Variants in CNTNAP5 observed in about 807,000 individuals in gnomAD.
CNTNAP5 encodes the protein contactin-associated protein-like 5.
CNTNAP5 carries 72 observed loss-of-function variants against 150.2 expected under a neutral mutation model. The ratio of observed to expected loss-of-function variants is 0.48; its 90% confidence interval spans 0.40 to 0.58. CNTNAP5 has a LOEUF of 0.58. CNTNAP5 is among the 20% of genes least tolerant of loss of function. The probability of loss-of-function intolerance (pLI) is 0.00; values close to 1 mark genes in which losing one functional copy is unlikely to be tolerated. For synonymous variants in CNTNAP5, 672 were observed against 619.8 expected, an observed-to-expected ratio of 1.08 and a Z score of -1.25; for missense variants, 1,636 against 1,626.2, an observed-to-expected ratio of 1.01 and a Z score of -0.10.
chr2:124,444,892 G>A (rs543500663), intron 5 of CNTNAP5, among the ~76,000 whole-genome samples: 4 of 152,106 alleles, frequency 2.6e-5, no homozygotes, highest in East Asian at 3.9e-4. Flanking sequence ...TCACAGCACC[G>A]CACTCTGCAT....
intron 13 of CNTNAP5, among the ~76,000 whole-genome samples, chr2:124,735,505 A>G (rs1006541413): frequency 2.6e-5 from 4 of 152,116 alleles, no homozygotes; most frequent in African/African-American, 9.7e-5. Flanking sequence ...GAAAGACAAT[A>G]TATTTGGGAA....
chr2:124,261,847 G>A lies in CNTNAP5; in HGVS notation c.381+19454G>A, dbSNP rs1365025. Among the ~76,000 whole-genome samples the A allele has an allele frequency of 4.3e-3, 658 of 152,208 alleles. 4 individuals carry two copies. The highest frequency in any genetic ancestry group is 0.015 in the African/African-American group (634 of 41,506). ...AAGGGTGCTGGTTCAACGCTAGCAGGATTTTCCAATTGAAGGGGTCAAGGA... is the reference window on the plus strand; with the variant it reads ...AAGGGTGCTGGTTCAACGCTAGCAGAATTTTCCAATTGAAGGGGTCAAGGA... On this transcript the variant is annotated intron_variant, in intron 3 of 23. Transcript: ENST00000682447.
chr2:124,647,712 A>G (rs777319447), intron 12 of CNTNAP5, 46 bp from the exon 13 acceptor site: 12 of 1,518,238 alleles, frequency 7.9e-6, no homozygotes, highest in East Asian at 4.6e-5. Context: ...TCCATTTTTG[A>G]CATTGCTTCT....
chr2:124,570,678 G>A (rs1000672446), intron 11 of CNTNAP5, among the ~76,000 whole-genome samples: 2 of 152,042 alleles, frequency 1.3e-5, no homozygotes, highest in Admixed American at 6.6e-5. Context: ...TGGGTACTAG[G>A]GACAGATACT....
At chr2:124,641,126 CAAAAAAAAAA>C in intron 12 of CNTNAP5, among the ~76,000 whole-genome samples, 1 of 98,500 alleles carries the variant, frequency 1.0e-5, no homozygotes, top group South Asian at 3.7e-4. Flanking sequence ...AACTCCATCT[CAAAAAAAAAA>C]AAAAAAAAAA....
intron 8 of CNTNAP5, 89 bp downstream of exon 8, chr2:124,504,645 C>T: frequency 7.6e-7 from 1 of 1,315,776 alleles, no homozygotes. Context: ...GAATCCAAAT[C>T]TCAGGGATAT....
At position 124,182,152 on chromosome 2, in the gene CNTNAP5, C is replaced by T. The variant is rs887221638; in HGVS notation, c.83-39553C>T. On this transcript the variant is annotated intron_variant, in intron 1 of 23. Transcript: ENST00000682447. Reference sequence around the variant, plus strand: ...TTCTCACAATAATCAGAATTGGGAGCGCACTTTTAGCCATTACATTAATCT... The same window carrying T: ...TTCTCACAATAATCAGAATTGGGAGTGCACTTTTAGCCATTACATTAATCT... Among the ~76,000 whole-genome samples, 7 of 152,090 alleles carry T rather than the reference C, an allele frequency of 4.6e-5. No individual in the cohort carries two copies. The East Asian group carries it at 5.8e-4, about 13-fold the overall frequency.
intron 3 of CNTNAP5, among the ~76,000 whole-genome samples, chr2:124,408,567 T>A (rs1419265088): frequency 6.6e-6 from 1 of 151,646 alleles, no homozygotes; most frequent in Non-Finnish European, 1.5e-5. Flanking sequence ...CTCAAGTGGG[T>A]CCCTGACCCC....
At chr2:124,343,563 T>C (rs993126431) in intron 3 of CNTNAP5, among the ~76,000 whole-genome samples, 5 of 152,172 alleles carry the variant, frequency 3.3e-5, no homozygotes, top group Non-Finnish European at 7.3e-5. Flanking sequence ...ATGATATTCA[T>C]GTAGCCAGAG....
chr2:124,229,651 G>A (rs554049134), intron 2 of CNTNAP5, among the ~76,000 whole-genome samples: 5 of 152,262 alleles, frequency 3.3e-5, no homozygotes, highest in Non-Finnish European at 2.9e-5. Flanking sequence ...TGTCAAATAT[G>A]ATTTGTTTTG....
At chr2:124,782,988 G>GTCA (rs1205514193) in intron 17 of CNTNAP5, among the ~76,000 whole-genome samples, 26 of 152,242 alleles carry the variant, frequency 1.7e-4, no homozygotes, top group Middle Eastern at 3.4e-3. Context: ...ATGGACAAAT[G>GTCA]TCATCAATAC....
At chr2:124,574,622 T>G (rs1696236823) in intron 11 of CNTNAP5, among the ~76,000 whole-genome samples, 1 of 152,224 alleles carries the variant, frequency 6.6e-6, no homozygotes, top group Non-Finnish European at 1.5e-5. Flanking sequence ...GTTTAATTAC[T>G]TGGGTTTTCA....
intron 4 of CNTNAP5, among the ~76,000 whole-genome samples, chr2:124,431,528 T>TATATATATAA (rs1195130893): frequency 1.4e-5 from 2 of 145,600 alleles, no homozygotes; most frequent in East Asian, 3.9e-4. Flanking sequence ...TATATATATA[T>TATATATATAA]AAAATTTCTT....
At position 124,242,319 on chromosome 2, in the gene CNTNAP5, G is replaced by A; in HGVS notation, c.307G>A (p.Val103Met). ...GGGAAGATACGGAAGCTCTGACTGGGTGACGAGTTACAGCCTGATGTTCAG... is the reference window on the plus strand; with the variant it reads ...GGGAAGATACGGAAGCTCTGACTGGATGACGAGTTACAGCCTGATGTTCAG... Reference protein sequence around the residue: ...TQGRYGSSDWVTSYSLMFSDT... With the variant: ...TQGRYGSSDWMTSYSLMFSDT... The change falls in exon 3 of 24, where the codon GTG (valine) becomes ATG (methionine). Residue 103 changes from valine (V) to methionine (M), a missense_variant. Physicochemically the swap from Val to Met is conservative, Grantham distance 21. Coordinates refer to ENST00000682447, the MANE Select transcript of CNTNAP5 (RefSeq NM_001367498.1). 1 of 1,613,330 alleles carries A rather than the reference G, an allele frequency of 6.2e-7. No homozygotes were observed. The highest frequency in any genetic ancestry group is 8.5e-7 in the Non-Finnish European group (1 of 1,179,734).
chr2:124,869,796 C>T (rs1327961971), intron 21 of CNTNAP5, 34 bp downstream of exon 21: 9 of 1,302,992 alleles, frequency 6.9e-6, no homozygotes, highest in South Asian at 1.2e-5. Flanking sequence ...TTCCAGTGGG[C>T]TTTATTAAAA....
intron 1 of CNTNAP5, among the ~76,000 whole-genome samples, chr2:124,191,506 T>C (rs1685456281): frequency 2.0e-5 from 3 of 152,172 alleles, no homozygotes; most frequent in African/African-American, 7.2e-5. Flanking sequence ...ATATATCATA[T>C]GTATAGTCAA....
intron 21 of CNTNAP5, among the ~76,000 whole-genome samples, chr2:124,876,841 G>A (rs1677870457): frequency 6.6e-6 from 1 of 151,870 alleles, no homozygotes; most frequent in Admixed American, 6.6e-5. Context: ...CTGTCTGTTT[G>A]GGTAATAAAG....
Position 124,170,214 on chromosome 2 carries a change from C to A in CNTNAP5, c.83-51491C>A, listed in dbSNP as rs1333181710. Among the ~76,000 whole-genome samples, 3 of 151,706 alleles carry A rather than the reference C, an allele frequency of 2.0e-5. No individual in the cohort carries two copies. The East Asian group carries it at 5.9e-4, about 30-fold the overall frequency. On this transcript the variant is annotated intron_variant, in intron 1 of 23. Coordinates refer to ENST00000682447, the MANE Select transcript of CNTNAP5 (RefSeq NM_001367498.1). ...CATATGGTGATAGTTATGAAGAAAT[C>A]CACTTTCAGACATTATGTCTTAAAT...
At chr2:124,122,789 CA>C (rs5834041) in intron 1 of CNTNAP5, among the ~76,000 whole-genome samples, 23,787 of 151,004 alleles carry the variant, frequency 0.16, 1,992 homozygotes, top group African/African-American at 0.22. Context: ...CACACACACA[CA>C]CACCCACACC....
Sources: gnomAD v4.1 joint callset for allele counts (sites outside exome capture counted in the v4.1 genomes callset) on GRCh38, gnomAD v4.1.1 for gene constraint, MANE v1.5 for transcripts, NCBI Gene and HGNC (gene_info 2026-07-23, HGNC 2026-07-21) for gene names.